COL28A1: variants seen among roughly 807,000 people sequenced by gnomAD.
The protein encoded by COL28A1 is collagen alpha-1(XXVIII) chain.
COL28A1 carries 161 observed loss-of-function variants against 150.2 expected under a neutral mutation model. The ratio of observed to expected loss-of-function variants is 1.07; its 90% confidence interval spans 0.94 to 1.22. COL28A1 has a LOEUF of 1.22. Ranked by LOEUF, COL28A1 falls within the 50% of genes most tolerant of loss-of-function variation. The pLI is 0.00. For synonymous variants in COL28A1, 552 were observed against 469.7 expected (o/e 1.18, Z -2.26); for missense variants, 1,617 against 1,388.3 (o/e 1.16, Z -2.62).
chr7:7,413,141 A>G (rs1323581645), intron 27 of COL28A1, among the ~76,000 whole-genome samples: 1 of 152,098 alleles, frequency 6.6e-6, no homozygotes, highest in Non-Finnish European at 1.5e-5. Context: ...TGGGGACCCC[A>G]GGGTTTCTGT....
At chr7:7,388,693 G>A (rs1011101131) in intron 27 of COL28A1, among the ~76,000 whole-genome samples, 12 of 152,100 alleles carry the variant, frequency 7.9e-5, no homozygotes, top group East Asian at 3.9e-4. Flanking sequence ...TTTAATGATC[G>A]CCATTCTAAC....
intron 11 of COL28A1, among the ~76,000 whole-genome samples, chr7:7,492,413 A>C (rs1779963830): frequency 6.7e-6 from 1 of 150,192 alleles, no homozygotes; most frequent in Non-Finnish European, 1.5e-5. Flanking sequence ...GTCTACTAAA[A>C]ATACTAAAAA....
intron 27 of COL28A1, among the ~76,000 whole-genome samples, chr7:7,396,181 G>T (rs2128296516): frequency 6.6e-6 from 1 of 152,208 alleles, no homozygotes; most frequent in African/African-American, 2.4e-5. Context: ...GCAACCCAGT[G>T]GTCTGCCATT....
intron 11 of COL28A1, among the ~76,000 whole-genome samples, chr7:7,498,909 C>G (rs148367279): frequency 6.6e-6 from 1 of 151,974 alleles, no homozygotes; most frequent in Non-Finnish European, 1.5e-5. Context: ...TACACACACA[C>G]GCACACACAC....
chr7:7,393,901 G>T (rs1782692560), intron 27 of COL28A1, among the ~76,000 whole-genome samples: 1 of 152,012 alleles, frequency 6.6e-6, no homozygotes, highest in Non-Finnish European at 1.5e-5. Flanking sequence ...AGACCACTTG[G>T]CACCCTGGCT....
chr7:7,443,053 G>T (rs1583385379), intron 20 of COL28A1, among the ~76,000 whole-genome samples: 1 of 148,714 alleles, frequency 6.7e-6, no homozygotes, highest in African/African-American at 2.5e-5. Context: ...AAAAAAAATT[G>T]CAGGAAGACC....
the COL28A1 span, among the ~76,000 whole-genome samples, chr7:7,343,151 C>T: frequency 6.6e-6 from 1 of 151,550 alleles, no homozygotes; most frequent in African/African-American, 2.4e-5. Flanking sequence ...CTTTAGTATT[C>T]TGTAGTTTCA....
At chr7:7,371,551 A>C (rs1441310803) in intron 32 of COL28A1, among the ~76,000 whole-genome samples, 2 of 152,100 alleles carry the variant, frequency 1.3e-5, no homozygotes, top group Admixed American at 6.5e-5. Context: ...GCCACATCAG[A>C]CTCCACTCCC....
At chr7:7,465,398 G>A (rs1020570687) in intron 15 of COL28A1, among the ~76,000 whole-genome samples, 12 of 140,934 alleles carry the variant, frequency 8.5e-5, no homozygotes, top group African/African-American at 2.7e-4. Context: ...TTTTCAGACC[G>A]GCTTAAGAAA....
At chr7:7,417,502 A>AG (rs1416888333) in intron 27 of COL28A1, 17 of 185,178 alleles carry the variant, frequency 9.2e-5, no homozygotes, top group African/African-American at 8.7e-4. Flanking sequence ...GGAAGGAGGG[A>AG]GGGGGAGGGA....
At chr7:7,510,996 T>G in intron 9 of COL28A1, 95 bp downstream of exon 9, 194 of 942,382 alleles carry the variant, frequency 2.1e-4, no homozygotes, top group Non-Finnish European at 3.0e-4. Context: ...ACTCTAGTAG[T>G]GAGATCACCA....
At chr7:7,499,157 A>C (rs1206146467) in intron 11 of COL28A1, among the ~76,000 whole-genome samples, 1 of 152,130 alleles carries the variant, frequency 6.6e-6, no homozygotes, top group Non-Finnish European at 1.5e-5. Flanking sequence ...TGGATTACTA[A>C]TGATTCTTTC....
At chr7:7,473,838 A>AGT (rs199757643) in intron 15 of COL28A1, among the ~76,000 whole-genome samples, 2 of 151,506 alleles carry the variant, frequency 1.3e-5, no homozygotes, top group African/African-American at 2.4e-5. Context: ...TATATATTAC[A>AGT]GTGTGTGTGT....
At chr7:7,543,197 G>A in the COL28A1 span, among the ~76,000 whole-genome samples, 1 of 152,074 alleles carries the variant, frequency 6.6e-6, no homozygotes, top group African/African-American at 2.4e-5. Flanking sequence ...GCCAATCTAT[G>A]GTTGTAATTG....
intron 8 of COL28A1, among the ~76,000 whole-genome samples, chr7:7,513,917 A>G (rs1325171572): frequency 1.3e-5 from 2 of 152,204 alleles, no homozygotes; most frequent in Admixed American, 6.5e-5. Context: ...ATGGTTTCAG[A>G]AAGCGAGTAC....
At chr7:7,489,655 C>T (rs758894003) in intron 12 of COL28A1, among the ~76,000 whole-genome samples, 198 bp from the exon 13 acceptor site, 1 of 152,202 alleles carries the variant, frequency 6.6e-6, no homozygotes, top group Non-Finnish European at 1.5e-5. Flanking sequence ...TTTATTATCT[C>T]TTCTTGTCCA....
In COL28A1 at chr7:7,476,139, G is replaced by A. The variant is rs539809689; in HGVS notation, c.1233+973C>T. Among the ~76,000 whole-genome samples, 6 of 152,302 alleles carry A rather than the reference G, an allele frequency of 3.9e-5. No individual in the cohort carries two copies. The East Asian group carries it at 9.6e-4, about 24-fold the overall frequency. On this transcript the variant is annotated intron_variant, in intron 14 of 34. Coordinates refer to ENST00000399429, the MANE Select transcript of COL28A1 (RefSeq NM_001037763.3). ...TTAGTCACCTGATGGAATGACTGAT[G>A]TGGAGGGTCTCAGACACTTAGAAAG...
At chr7:7,420,242 A>G (rs1342984975) in intron 25 of COL28A1, 1 of 208,672 alleles carries the variant, frequency 4.8e-6, no homozygotes, top group African/African-American at 2.3e-5. Flanking sequence ...TAGAGGATGG[A>G]AGAAGAGACA....
At chr7:7,434,452 G>A (rs1295181377) in intron 23 of COL28A1, among the ~76,000 whole-genome samples, 1 of 152,060 alleles carries the variant, frequency 6.6e-6, no homozygotes, top group Non-Finnish European at 1.5e-5. Context: ...ACAAGGAGAG[G>A]GCCAACAACA....
Sources: allele counts gnomAD v4.1 joint callset (sites outside exome capture counted in the v4.1 genomes callset), GRCh38; gene constraint gnomAD v4.1.1; transcripts MANE v1.5; gene names NCBI Gene and HGNC (gene_info 2026-07-23, HGNC 2026-07-21).